PRKG1: variants seen among roughly 807,000 people sequenced by gnomAD.
The protein encoded by PRKG1 is protein kinase cGMP-dependent 1.
Under a neutral mutation model 88.1 loss-of-function variants are expected in PRKG1, and 35 were observed. That is an observed-to-expected ratio of 0.40 (90% CI 0.30 to 0.53). The LOEUF (loss-of-function observed/expected upper bound fraction) is 0.53. Ranked by LOEUF, PRKG1 falls within the 20% of genes least tolerant of loss-of-function variation. The pLI, the probability that PRKG1 is intolerant of heterozygous loss-of-function variation, is 0.59. For synonymous variants in PRKG1, 303 were observed against 292.5 expected (o/e 1.04, Z -0.37); for missense variants, 540 against 839.8 (o/e 0.64, Z 4.41).
At chr10:51,276,335 G>A (rs1489328115) in intron 2 of PRKG1, among the ~76,000 whole-genome samples, 5 of 152,154 alleles carry the variant, frequency 3.3e-5, no homozygotes, top group Admixed American at 2.6e-4. Flanking sequence ...TGGTGTATAT[G>A]TGCCGCATTT....
chr10:52,227,488 A>T (rs1197733453), intron 9 of PRKG1, among the ~76,000 whole-genome samples: 1 of 152,154 alleles, frequency 6.6e-6, no homozygotes, highest in African/African-American at 2.4e-5. Flanking sequence ...TTTACATTGT[A>T]TCTGTTATTA....
chr10:52,045,859 G>A (rs1030318156), intron 5 of PRKG1, among the ~76,000 whole-genome samples: 1 of 152,016 alleles, frequency 6.6e-6, no homozygotes, highest in African/African-American at 2.4e-5. Flanking sequence ...TTTCACTCCT[G>A]GGGGCATGAT....
intron 1 of PRKG1, among the ~76,000 whole-genome samples, chr10:51,001,300 T>G (rs1455584240): frequency 6.6e-6 from 1 of 152,216 alleles, no homozygotes; most frequent in African/African-American, 2.4e-5. Flanking sequence ...CCTTCTTGAT[T>G]CCTGACAGTA....
chr10:51,486,752 AT>A (rs1426688320), intron 3 of PRKG1, among the ~76,000 whole-genome samples: 1 of 152,154 alleles, frequency 6.6e-6, no homozygotes, highest in African/African-American at 2.4e-5. Flanking sequence ...ATCATTAACA[AT>A]TTAGGGTTCA....
At chr10:51,335,155 G>A (rs1841843734) in intron 2 of PRKG1, among the ~76,000 whole-genome samples, 1 of 151,780 alleles carries the variant, frequency 6.6e-6, no homozygotes. Flanking sequence ...TGGGACTACA[G>A]GCGCCCACCA....
At chr10:51,435,489 A>T (rs1838900480) in intron 2 of PRKG1, among the ~76,000 whole-genome samples, 1 of 144,224 alleles carries the variant, frequency 6.9e-6, no homozygotes, top group Non-Finnish European at 1.5e-5. Flanking sequence ...GGAGGATGCC[A>T]TTGGCCTGGC....
chr10:51,624,520 C>T (rs986779941), intron 3 of PRKG1, among the ~76,000 whole-genome samples: 1 of 152,174 alleles, frequency 6.6e-6, no homozygotes, highest in Non-Finnish European at 1.5e-5. Flanking sequence ...TGCTTCAGAT[C>T]TTTCTGTCTG....
chr10:51,750,220 G>A (rs961095253), intron 3 of PRKG1, among the ~76,000 whole-genome samples: 1 of 152,098 alleles, frequency 6.6e-6, no homozygotes, highest in South Asian at 2.1e-4. Context: ...ACAGGCATGA[G>A]CCACTGTGCC....
intron 3 of PRKG1, among the ~76,000 whole-genome samples, chr10:51,801,440 G>C (rs1839171249): frequency 6.6e-6 from 1 of 152,124 alleles, no homozygotes; most frequent in African/African-American, 2.4e-5. Context: ...ATTTGGCATG[G>C]ATAATAGTTT....
intron 3 of PRKG1, among the ~76,000 whole-genome samples, chr10:51,486,934 A>C (rs1840562067): frequency 6.6e-6 from 1 of 152,014 alleles, no homozygotes; most frequent in Non-Finnish European, 1.5e-5. Flanking sequence ...CTGTTGTCAA[A>C]TTCCAATTAA....
chr10:51,312,941 C>T (rs1035981482), intron 2 of PRKG1, among the ~76,000 whole-genome samples: 1 of 152,144 alleles, frequency 6.6e-6, no homozygotes, highest in Admixed American at 6.5e-5. Flanking sequence ...ATTCCTTTAG[C>T]AGTTGGTAAT....
At chr10:51,931,556 G>T (rs749690194) in intron 5 of PRKG1, among the ~76,000 whole-genome samples, 4 of 152,174 alleles carry the variant, frequency 2.6e-5, no homozygotes, top group Non-Finnish European at 5.9e-5. Context: ...AGCCAGACAG[G>T]ATGTGATAAA....
chr10:52,180,593 A>G (rs1405467077), intron 9 of PRKG1, among the ~76,000 whole-genome samples: 1 of 152,070 alleles, frequency 6.6e-6, no homozygotes, highest in Non-Finnish European at 1.5e-5. Flanking sequence ...GTTGACTTTT[A>G]TTGTAGTTTA....
At chr10:51,554,118 C>T (rs7910083) in intron 3 of PRKG1, among the ~76,000 whole-genome samples, 32,567 of 70,156 alleles carry the variant, frequency 0.46, 9,120 homozygotes, top group East Asian at 0.91. Flanking sequence ...GTATGTGATA[C>T]GTGTATATAT....
chr10:52,136,635 T>A (rs1837431132), intron 8 of PRKG1, among the ~76,000 whole-genome samples: 1 of 152,036 alleles, frequency 6.6e-6, no homozygotes, highest in African/African-American at 2.4e-5. Context: ...TCAGTTTTCC[T>A]GTCTGAAAAA....
intron 1 of PRKG1, among the ~76,000 whole-genome samples, chr10:51,087,851 G>T (rs544477690): frequency 6.6e-6 from 1 of 152,196 alleles, no homozygotes; most frequent in South Asian, 2.1e-4. Flanking sequence ...TGCAACCTCC[G>T]CCTCCCGGGA....
At chr10:51,147,301 A>T (rs569528558) in intron 1 of PRKG1, among the ~76,000 whole-genome samples, 13 of 152,318 alleles carry the variant, frequency 8.5e-5, no homozygotes, top group Non-Finnish European at 1.5e-4. Context: ...TTTCCAACAC[A>T]AAGAAATAAC....
At chr10:51,876,404 A>C (rs1841301286) in intron 4 of PRKG1, among the ~76,000 whole-genome samples, 1 of 152,148 alleles carries the variant, frequency 6.6e-6, no homozygotes, top group South Asian at 2.1e-4. Context: ...TAAAAGAAAA[A>C]CCCTTGCTGT....
chr10:51,800,593 T>C (rs924548943), intron 3 of PRKG1, among the ~76,000 whole-genome samples: 3 of 152,070 alleles, frequency 2.0e-5, no homozygotes, highest in Non-Finnish European at 4.4e-5. Context: ...CATTGCAAAG[T>C]TGAAATTTTT....
Sources: gnomAD v4.1 joint callset for allele counts (sites outside exome capture counted in the v4.1 genomes callset) on GRCh38, gnomAD v4.1.1 for gene constraint, MANE v1.5 for transcripts, NCBI Gene and HGNC (gene_info 2026-07-23, HGNC 2026-07-21) for gene names.